CNKSR1: variants seen among roughly 807,000 people sequenced by gnomAD.
The protein encoded by CNKSR1 is connector enhancer of kinase suppressor of Ras 1, also known as CNK homolog protein 1.
In CNKSR1, 88 loss-of-function variants were observed where a neutral mutation model predicts 95.6. That is an observed-to-expected ratio of 0.92 (90% CI 0.78 to 1.10). CNKSR1 has a LOEUF of 1.10. CNKSR1 is among the 50% of genes least tolerant of loss of function. The pLI is 0.00. For missense variants in CNKSR1, 836 were observed against 912.0 expected (o/e 0.92, Z 1.07); for synonymous variants, 355 against 369.7 (o/e 0.96, Z 0.46).
Position 26,183,184 on chromosome 1 carries a change from T to G in CNKSR1, c.625-13T>G. ...CCCCCAGCCCCCGGTGACTATAGCC[T>G]CTGCCTCTGCAGGGCCTAGAAATTC... is the stretch of plus-strand genomic sequence containing the variant. On this transcript the variant is annotated splice_polypyrimidine_tract_variant and intron_variant, in intron 6 of 20. Coordinates refer to ENST00000361530, the MANE Select transcript of CNKSR1 (RefSeq NM_006314.3). 2 of 1,613,930 alleles carry G rather than the reference T, an allele frequency of 1.2e-6. No individual in the cohort carries two copies. The highest frequency in any genetic ancestry group is 1.6e-4 in the Middle Eastern group (1 of 6,062).
Position 26,183,735 on chromosome 1 carries a change from T to C in CNKSR1, c.760T>C (p.Trp254Arg), listed in dbSNP as rs1199018832. 5 of 1,611,662 alleles carry C rather than the reference T, an allele frequency of 3.1e-6. No homozygotes were observed. Among genetic ancestry groups the C allele is most frequent in the Non-Finnish European group, 3.4e-6 (4 of 1,178,014 alleles). Residue 254 changes from tryptophan (W) to arginine (R), a missense_variant, in exon 9 of 21, where the codon TGG becomes CGG. Coordinates refer to ENST00000361530, the MANE Select transcript of CNKSR1 (RefSeq NM_006314.3). ...CAGTGTTTCTGTCCCCCAGGTGGGA[T>C]GGCCCCGTAAGAACATGGTGAGGGA... ...VQINEQVVVG[W>R]PRKNMVRELL...
At chr1:26,187,549 G>C in intron 16 of CNKSR1, 67 bp downstream of exon 16, 2 of 1,495,612 alleles carry the variant, frequency 1.3e-6, no homozygotes, top group Non-Finnish European at 1.9e-6. Flanking sequence ...TGGGAGCCTA[G>C]GCTCAGGAGC....
At chr1:26,178,217 C>G (rs557328796) in intron 1 of CNKSR1, among the ~76,000 whole-genome samples, 1 of 152,162 alleles carries the variant, frequency 6.6e-6, no homozygotes, top group Admixed American at 6.5e-5. Context: ...CCCACTGTAT[C>G]TCCTTCATCT....
At chr1:26,188,336 G>A (rs2088793507) in intron 17 of CNKSR1, 29 bp downstream of exon 17, 2 of 1,612,330 alleles carry the variant, frequency 1.2e-6, no homozygotes, top group Non-Finnish European at 8.5e-7. Flanking sequence ...TGAGTGGGAG[G>A]AACCCTCACC....
In CNKSR1 at chr1:26,183,212, AC is replaced by A. The variant is rs762559842; in HGVS notation, c.642del (p.Thr215ProfsTer46). On this transcript the variant is annotated frameshift_variant, in exon 7 of 21. Coordinates refer to ENST00000361530, the MANE Select transcript of CNKSR1 (RefSeq NM_006314.3). LOFTEE classifies it high-confidence loss of function. ...GCCTCTGCAGGGCCTAGAAATTCAC[AC>A]CACCAGCAATTGCCAGCACTTTGTG... Reference protein sequence around the residue: ...LDSPLGLEIHTTSNCQHFVSQ... With the variant: ...LDSPLGLEIHXTSNCQHFVSQ... 4.2e-5 allele frequency: 67 copies of A among 1,613,720 alleles called. No individual in the cohort carries two copies. In the Middle Eastern group the frequency reaches 4.9e-4, roughly 12 times the overall value.
In CNKSR1 at chr1:26,187,433, G is replaced by A. The variant is rs2088774997; in HGVS notation, c.1405G>A (p.Val469Met). The change falls in exon 16 of 21, where the codon GTG becomes ATG. Residue 469 changes from valine (V) to methionine (M), a missense_variant. Transcript: ENST00000361530. ...CAGTGTGTTTCAGCTCACCCATGAT[G>A]TGTACAAACCCTTCATCTTCGCTGC... is the stretch of plus-strand genomic sequence containing the variant. ...KKYVFQLTHD[V>M]YKPFIFAADT... is the part of the protein sequence containing the mutation. 1 of 1,613,956 alleles carries A rather than the reference G, an allele frequency of 6.2e-7. No individual in the cohort carries two copies. Among genetic ancestry groups the A allele is most frequent in the African/African-American group, 1.3e-5 (1 of 74,872 alleles).
chr1:26,181,741 A>G (rs767809829), intron 3 of CNKSR1, 116 bp from the exon 4 acceptor site: 2 of 995,606 alleles, frequency 2.0e-6, no homozygotes, highest in Non-Finnish European at 3.1e-6. Flanking sequence ...ACTCTAAACC[A>G]AAACCCATCA....
At position 26,184,508 on chromosome 1, in the gene CNKSR1, G is replaced by T. The variant is rs1049073322; in HGVS notation, c.1107+1G>T. 2.5e-6 allele frequency: 4 copies of T among 1,610,602 alleles called. No homozygotes were observed. Among genetic ancestry groups the T allele is most frequent in the Non-Finnish European group, 3.4e-6 (4 of 1,178,382 alleles). On this transcript the variant is annotated splice_donor_variant, in intron 12 of 20. Coordinates refer to ENST00000361530, the MANE Select transcript of CNKSR1 (RefSeq NM_006314.3). LOFTEE classifies it high-confidence loss of function. ...AGGGCTCCCTGAATCCCCTGACAAG[G>T]TAAGCTCAGGGGCTTAGCAAGGGGG...
intron 7 of CNKSR1, 43 bp downstream of exon 7, chr1:26,183,299 T>C: frequency 6.2e-7 from 1 of 1,614,052 alleles, no homozygotes; most frequent in Non-Finnish European, 8.5e-7. Flanking sequence ...CCCCGAGGCC[T>C]CTCACCTGCA....
At position 26,177,528 on chromosome 1, in the gene CNKSR1, C is replaced by G; in HGVS notation, c.-20C>G. The G allele has an allele frequency of 1.9e-6, 3 of 1,613,850 alleles. No homozygotes were observed. Among genetic ancestry groups the G allele is most frequent in the Non-Finnish European group, 2.5e-6 (3 of 1,179,944 alleles). ...CAGCAGGGCAAAACAGGAGCTGATT[C>G]GAGCTGGCAGAGCTGGGCCATGGAA... On this transcript the variant is annotated 5_prime_UTR_variant, in exon 1 of 21. Coordinates refer to ENST00000361530, the MANE Select transcript of CNKSR1 (RefSeq NM_006314.3).
At chr1:26,189,156 T>A in intron 20 of CNKSR1, 123 bp from the exon 21 acceptor site, 1 of 1,357,778 alleles carries the variant, frequency 7.4e-7, no homozygotes, top group South Asian at 1.2e-5. Flanking sequence ...TCACCTAGGC[T>A]CCTCGTGCCA....
intron 9 of CNKSR1, 58 bp from the exon 10 acceptor site, chr1:26,184,013 C>A: frequency 2.6e-6 from 3 of 1,174,778 alleles, no homozygotes; most frequent in Non-Finnish European, 3.7e-6. Context: ...ACCCCTGTTG[C>A]CCCCCAACCT....
At chr1:26,180,214 A>C in intron 1 of CNKSR1, 1 of 575,670 alleles carries the variant, frequency 1.7e-6, no homozygotes, top group Admixed American at 3.0e-5. Flanking sequence ...TTGCATTTCT[A>C]ACAAGTTCTC....
intron 1 of CNKSR1, among the ~76,000 whole-genome samples, chr1:26,177,946 G>A (rs189269145): frequency 6.6e-6 from 1 of 151,852 alleles, no homozygotes; most frequent in Non-Finnish European, 1.5e-5. Context: ...CAGTCTGGAC[G>A]ACAGAGCGAG....
chr1:26,186,718 C>T (rs1168359580), intron 14 of CNKSR1, among the ~76,000 whole-genome samples: 2 of 152,172 alleles, frequency 1.3e-5, no homozygotes, highest in African/African-American at 4.8e-5. Context: ...TCATGATCTG[C>T]CCGCCTCAGC....
In CNKSR1 at chr1:26,180,851, T is replaced by C. The variant is rs1465398090; in HGVS notation, c.347T>C (p.Val116Ala). The change falls in exon 3 of 21, where the codon GTG becomes GCG. Residue 116 changes from valine to alanine, a missense_variant. Val to Ala is a moderately conservative substitution (Grantham distance 64, BLOSUM62 0). Coordinates refer to ENST00000361530, the MANE Select transcript of CNKSR1 (RefSeq NM_006314.3). The part of the protein sequence containing the change: ...KTPIDVLCAA[V>A]ELLHEADALL... ...CCTATTGATGTCCTCTGTGCAGCTG[T>C]GGAGCTGTTGCATGAAGCTGACGCC... 1 of 1,614,188 alleles carries C rather than the reference T, an allele frequency of 6.2e-7. No individual in the cohort carries two copies. Among genetic ancestry groups the C allele is most frequent in the Non-Finnish European group, 8.5e-7 (1 of 1,180,040 alleles).
At chr1:26,184,344 C>T in intron 11 of CNKSR1, 57 bp downstream of exon 11, 1 of 1,603,300 alleles carries the variant, frequency 6.2e-7, no homozygotes, top group Non-Finnish European at 8.5e-7. Flanking sequence ...CCAGTTCTGA[C>T]CCCAAGCCTG....
intron 1 of CNKSR1, 85 bp from the exon 2 acceptor site, chr1:26,180,368 G>A: frequency 6.5e-7 from 1 of 1,538,652 alleles, no homozygotes; most frequent in Non-Finnish European, 9.0e-7. Context: ...AGACTAGAGG[G>A]AAAAGAGCTT....
chr1:26,181,040 G>A, intron 3 of CNKSR1, 144 bp downstream of exon 3: 1 of 1,011,058 alleles, frequency 9.9e-7, no homozygotes, highest in Non-Finnish European at 1.5e-6. Flanking sequence ...AGCACTTTGG[G>A]AGGCCGAAGC....
Sources: gnomAD v4.1 joint callset for allele counts (sites outside exome capture counted in the v4.1 genomes callset) on GRCh38, gnomAD v4.1.1 for gene constraint, MANE v1.5 for transcripts, NCBI Gene and HGNC (gene_info 2026-07-23, HGNC 2026-07-21) for gene names.